The following BLM variants were observed in gnomAD, a reference collection of about 807,000 sequenced individuals.
BLM encodes the protein BLM RecQ like helicase.
Under a neutral mutation model 135.3 loss-of-function variants are expected in BLM, and 95 were observed. That is an observed-to-expected ratio of 0.70 (90% CI 0.59 to 0.83). The LOEUF (loss-of-function observed/expected upper bound fraction) is 0.83, where lower values mean the gene tolerates loss of function less well. BLM is among the 40% of genes least tolerant of loss of function. The pLI is 0.00. For synonymous variants in BLM, 520 were observed against 589.2 expected, an observed-to-expected ratio of 0.88 and a Z score of 1.70; for missense variants, 1,518 against 1,663.9, an observed-to-expected ratio of 0.91 and a Z score of 1.53.
At chr15:90,771,364 G>C (rs1427824551) in intron 12 of BLM, among the ~76,000 whole-genome samples, 1 of 152,134 alleles carries the variant, frequency 6.6e-6, no homozygotes, top group African/African-American at 2.4e-5. Context: ...GCGTGCGCCT[G>C]TAATCGCTGC....
chr15:90,784,280 A>G lies in BLM; in HGVS notation c.2663-641A>G, dbSNP rs769363400. On this transcript the variant is annotated intron_variant, in intron 13 of 21. Transcript: ENST00000355112. The stretch of plus-strand genomic sequence containing the variant: ...CAAAGGTATTTCTAAGACTCTTGAT[A>G]CATACTGCCATATGCTTTTGACAAA... Among the ~76,000 whole-genome samples the G allele has an allele frequency of 2.3e-4, 34 of 150,722 alleles. 1 individual carries two copies. The highest frequency in any genetic ancestry group is 4.4e-4 in the Non-Finnish European group (30 of 67,886).
At chr15:90,783,726 C>T (rs554519015) in intron 13 of BLM, among the ~76,000 whole-genome samples, 3 of 151,952 alleles carry the variant, frequency 2.0e-5, no homozygotes, top group Non-Finnish European at 4.4e-5. Flanking sequence ...ACGGTGAAAC[C>T]CCATCTCTAC....
intron 12 of BLM, among the ~76,000 whole-genome samples, chr15:90,773,991 G>T (rs962925068): frequency 1.3e-4 from 19 of 150,650 alleles, no homozygotes; most frequent in African/African-American, 4.2e-4. Flanking sequence ...CTCTTGGGTT[G>T]CTGGGTCTGT....
At position 90,790,723 on chromosome 15, in the gene BLM, C is replaced by G. The variant is rs201220226; in HGVS notation, c.2898C>G (p.Leu966=). 5.9e-5 allele frequency: 95 copies of G among 1,614,004 alleles called. 1 individual carries two copies. The Middle Eastern group carries it at 2.3e-3, about 39-fold the overall frequency. ...TGCGATTTGTGATTCATGCATCTCT[C>G]CCTAAATCTGTGGAGGGTTACTACC... ...PDVRFVIHAS[L]PKSVEGYYQE... The change falls in exon 15 of 22, where the codon CTC becomes CTG. Residue 966 remains leucine, a synonymous_variant. Transcript: ENST00000355112.
intron 5 of BLM, among the ~76,000 whole-genome samples, chr15:90,759,669 C>T (rs556736583): frequency 3.9e-5 from 6 of 151,912 alleles, no homozygotes; most frequent in African/African-American, 7.2e-5. Context: ...TGCAATGGCA[C>T]GATCTCAGCT....
At chr15:90,736,582 T>C (rs1895223452) in intron 1 of BLM, among the ~76,000 whole-genome samples, 1 of 152,178 alleles carries the variant, frequency 6.6e-6, no homozygotes, top group Non-Finnish European at 1.5e-5. Context: ...AGTAGGGAAA[T>C]ATGAATGCAC....
At chr15:90,760,377 G>C in intron 6 of BLM, 98 bp downstream of exon 6, 1 of 1,505,148 alleles carries the variant, frequency 6.6e-7, no homozygotes. Flanking sequence ...TTCTGGCCTG[G>C]AAATGGCATA....
chr15:90,806,890 A>T (rs1418626144), intron 19 of BLM, among the ~76,000 whole-genome samples: 1 of 152,236 alleles, frequency 6.6e-6, no homozygotes, highest in Non-Finnish European at 1.5e-5. Context: ...GGAAGAAAAA[A>T]TTCTGCTAAT....
chr15:90,773,437 A>C (rs1345170543), intron 12 of BLM, among the ~76,000 whole-genome samples: 1 of 151,796 alleles, frequency 6.6e-6, no homozygotes, highest in South Asian at 2.1e-4. Flanking sequence ...AACAAACAAA[A>C]AAAGGCTTAA....
At chr15:90,744,345 C>T (rs1045108079) in intron 1 of BLM, among the ~76,000 whole-genome samples, 2 of 152,108 alleles carry the variant, frequency 1.3e-5, no homozygotes, top group Non-Finnish European at 2.9e-5. Flanking sequence ...GGGGACGCCT[C>T]AACAAAAGAT....
chr15:90,776,034 T>C (rs1356385491), intron 12 of BLM, among the ~76,000 whole-genome samples: 1 of 152,228 alleles, frequency 6.6e-6, no homozygotes, highest in Non-Finnish European at 1.5e-5. Context: ...ATTGGGTCCA[T>C]TTATATTTCT....
chr15:90,785,093 A>G lies in BLM; in HGVS notation c.2823+12A>G, dbSNP rs1330228212. The G allele has an allele frequency of 1.9e-6, 3 of 1,611,606 alleles. No individual in the cohort carries two copies. The African/African-American group carries it at 4.0e-5, about 22-fold the overall frequency. ...AGGATGGCTGTCAGGTAACATTTTT[A>G]AAGATAAACAAATAATAGAAATAAT... On this transcript the variant is annotated intron_variant, in intron 14 of 21. Transcript: ENST00000355112.
chr15:90,813,156 A>C (rs1015519705), intron 21 of BLM, among the ~76,000 whole-genome samples: 10 of 152,182 alleles, frequency 6.6e-5, no homozygotes, highest in African/African-American at 2.4e-4. Flanking sequence ...TCACTTCTGC[A>C]TGTTGCCTGT....
rs1419771771 is a variant in BLM, at chr15:90,749,934, G to A, written c.666G>A (p.Glu222=). 1 of 1,613,996 alleles carries A rather than the reference G, an allele frequency of 6.2e-7. No individual in the cohort carries two copies. Among genetic ancestry groups the A allele is most frequent in the South Asian group, 1.1e-5 (1 of 91,080 alleles). ...AAAGCGAGCAAATAGATTTGACTGAGGAACAGAAGGATGACTCAGAATGGT... is the reference window on the plus strand; with the variant it reads ...AAAGCGAGCAAATAGATTTGACTGAAGAACAGAAGGATGACTCAGAATGGT... ...SSESEQIDLT[E]EQKDDSEWLS... is the part of the protein sequence containing the mutation. The change falls in exon 3 of 22, where the codon GAG becomes GAA. Residue 222 remains glutamate, a synonymous_variant. Transcript: ENST00000355112.
At chr15:90,774,066 C>CTTTTT (rs61323062) in intron 12 of BLM, among the ~76,000 whole-genome samples, 1 of 76,898 alleles carries the variant, frequency 1.3e-5, no homozygotes. Flanking sequence ...GTGCCTCCGT[C>CTTTTT]TTTTTTTTTT....
intron 1 of BLM, among the ~76,000 whole-genome samples, chr15:90,731,281 A>T (rs7163604): frequency 6.6e-6 from 1 of 152,082 alleles, no homozygotes; most frequent in African/African-American, 2.4e-5. Flanking sequence ...CTTTGCTAAC[A>T]TATTGTTTGG....
intron 7 of BLM, among the ~76,000 whole-genome samples, 164 bp downstream of exon 7, chr15:90,761,419 C>G (rs1372405752): frequency 1.3e-5 from 2 of 152,138 alleles, no homozygotes; most frequent in African/African-American, 4.8e-5. Context: ...AAGCAAGTTG[C>G]TCTTTTGTCT....
chr15:90,740,320 G>A (rs1895332104), intron 1 of BLM, among the ~76,000 whole-genome samples: 1 of 152,030 alleles, frequency 6.6e-6, no homozygotes, highest in Non-Finnish European at 1.5e-5. Flanking sequence ...TCATATAAAT[G>A]GAATCATACA....
intron 12 of BLM, among the ~76,000 whole-genome samples, chr15:90,775,453 A>G (rs1003418125): frequency 6.7e-6 from 1 of 148,732 alleles, no homozygotes; most frequent in Admixed American, 6.8e-5. Flanking sequence ...TGTTTTAAAT[A>G]TATATATAAT....
Sources: allele counts gnomAD v4.1 joint callset (sites outside exome capture counted in the v4.1 genomes callset), GRCh38; gene constraint gnomAD v4.1.1; transcripts MANE v1.5; gene names NCBI Gene and HGNC (gene_info 2026-07-23, HGNC 2026-07-21).